CDKL4: variants seen among roughly 807,000 people sequenced by gnomAD.
CDKL4 encodes cyclin dependent kinase like 4.
CDKL4 carries 44 observed loss-of-function variants against 42.0 expected under a neutral mutation model. That is an observed-to-expected ratio of 1.05 (90% CI 0.82 to 1.35). CDKL4 has a LOEUF of 1.35. Among genes scored for constraint, CDKL4 ranks in the 40% most tolerant of loss-of-function variants. The pLI is 0.00. For synonymous variants in CDKL4, 120 were observed against 121.6 expected (o/e 0.99, Z 0.09); for missense variants, 393 against 369.9 (o/e 1.06, Z -0.51).
At chr2:39,173,703 G>A (rs1455048550), downstream of CDKL4, among the ~76,000 whole-genome samples, 1 of 151,788 alleles carries the variant, frequency 6.6e-6, no homozygotes, top group African/African-American at 2.4e-5. Context: ...CCAGCTACTA[G>A]GGAGGCTGAG....
At chr2:39,226,466 T>TATATATATATTATATATA (rs1678744256) in intron 2 of CDKL4, among the ~76,000 whole-genome samples, 1 of 97,418 alleles carries the variant, frequency 1.0e-5, no homozygotes, top group Non-Finnish European at 2.7e-5. Context: ...TTATATATAT[T>TATATATATATTATATATA]ATATATATAT....
At chr2:39,187,822 C>G (rs1675918635) in intron 6 of CDKL4, 113 bp from the exon 7 acceptor site, 5 of 673,030 alleles carry the variant, frequency 7.4e-6, no homozygotes, top group East Asian at 5.7e-5. Flanking sequence ...AATTCCAGCA[C>G]TTTGAGAGGC....
intron 6 of CDKL4, among the ~76,000 whole-genome samples, chr2:39,188,655 A>T (rs72799485): frequency 0.23 from 33,919 of 148,892 alleles, 4,846 homozygotes; most frequent in Non-Finnish European, 0.33. Flanking sequence ...CATAAATGAG[A>T]TTTTATGAGA....
At chr2:39,215,121 A>G (rs1353806764) in intron 3 of CDKL4, among the ~76,000 whole-genome samples, 1 of 152,188 alleles carries the variant, frequency 6.6e-6, no homozygotes, top group Non-Finnish European at 1.5e-5. Context: ...TCTGTGCATC[A>G]AAGTCCCTGT....
chr2:39,184,596 T>G, exon 8 of CDKL4: 1 of 1,610,118 alleles, frequency 6.2e-7, no homozygotes, highest in Non-Finnish European at 8.5e-7. Flanking sequence ...AGTACCTTCA[T>G]GAAGTTCAGA....
upstream of CDKL4, among the ~76,000 whole-genome samples, chr2:39,245,826 G>T (rs1679892068): frequency 6.6e-6 from 1 of 152,170 alleles, no homozygotes; most frequent in Non-Finnish European, 1.5e-5. Flanking sequence ...ACTTCTGTAG[G>T]TTTTTGCGTG....
upstream of CDKL4, among the ~76,000 whole-genome samples, chr2:39,245,545 GGGCCGA>G (rs1679878159): frequency 6.6e-6 from 1 of 152,194 alleles, no homozygotes; most frequent in Admixed American, 6.5e-5. Context: ...TATAACCTCG[GGGCCGA>G]GCCTGTAGCA....
chr2:39,214,398 C>T (rs1033539185), intron 3 of CDKL4, among the ~76,000 whole-genome samples: 1 of 152,154 alleles, frequency 6.6e-6, no homozygotes, highest in African/African-American at 2.4e-5. Flanking sequence ...CAAATACCAA[C>T]ATGTACACAT....
At chr2:39,215,878 C>A (rs1372993343) in intron 3 of CDKL4, among the ~76,000 whole-genome samples, 1 of 152,152 alleles carries the variant, frequency 6.6e-6, no homozygotes, top group Non-Finnish European at 1.5e-5. Context: ...GCAAATGTAC[C>A]TAATTTTCAT....
In CDKL4 at chr2:39,210,795, T is replaced by C. The variant is rs115204421; in HGVS notation, c.363+2605A>G. On this transcript the variant is annotated intron_variant, in intron 4 of 9. Transcript: ENST00000451199. ...AGGATTCCATTTGGCATCATCTTTA[T>C]TAAGCATCAGAAAGCACAATTTGCA... Among the ~76,000 whole-genome samples, 1,109 of 152,324 alleles carry C rather than the reference T, an allele frequency of 7.3e-3. 11 individuals are homozygous for C. Among genetic ancestry groups the C allele is most frequent in the African/African-American group, 0.026 (1,064 of 41,568 alleles).
chr2:39,225,003 A>G (rs539830153), intron 3 of CDKL4, among the ~76,000 whole-genome samples: 1 of 152,300 alleles, frequency 6.6e-6, no homozygotes, highest in South Asian at 2.1e-4. Flanking sequence ...TTCTTATTAC[A>G]TTACATTGGC....
intron 1 of CDKL4, among the ~76,000 whole-genome samples, chr2:39,239,460 C>G (rs1679540860): frequency 6.6e-6 from 1 of 152,154 alleles, no homozygotes; most frequent in African/African-American, 2.4e-5. Context: ...AATCTTATAT[C>G]TGATAAAATA....
At chr2:39,212,738 C>A (rs1404259478) in intron 4 of CDKL4, among the ~76,000 whole-genome samples, 3 of 152,164 alleles carry the variant, frequency 2.0e-5, no homozygotes, top group African/African-American at 4.8e-5. Flanking sequence ...CAGCTCACTG[C>A]AACCTCTGCC....
intron 8 of CDKL4, among the ~76,000 whole-genome samples, chr2:39,180,104 C>A (rs1362732346): frequency 6.6e-6 from 1 of 152,098 alleles, no homozygotes; most frequent in East Asian, 1.9e-4. Flanking sequence ...AGATTATGAT[C>A]CATAAAGAGC....
intron 4 of CDKL4, among the ~76,000 whole-genome samples, chr2:39,206,022 G>A (rs568418613): frequency 6.6e-6 from 1 of 151,036 alleles, no homozygotes; most frequent in Admixed American, 6.6e-5. Flanking sequence ...GGGACCCGAG[G>A]CACGCTGACC....
chr2:39,208,544 T>C (rs996933654), intron 4 of CDKL4, among the ~76,000 whole-genome samples: 5 of 152,108 alleles, frequency 3.3e-5, no homozygotes, highest in African/African-American at 1.2e-4. Context: ...GGTTTCGCCA[T>C]GTTGGCCAGG....
intron 4 of CDKL4, 24 bp downstream of exon 4, chr2:39,213,374 TAA>T: frequency 7.2e-7 from 1 of 1,394,456 alleles, no homozygotes; most frequent in Non-Finnish European, 1.0e-6. Flanking sequence ...AAGAAATGAA[TAA>T]ATACATTAGA....
intron 4 of CDKL4, among the ~76,000 whole-genome samples, chr2:39,207,563 A>G (rs1677279981): frequency 6.6e-6 from 1 of 152,214 alleles, no homozygotes; most frequent in South Asian, 2.1e-4. Context: ...GAATTTCTAG[A>G]CTATATGTGT....
downstream of CDKL4, among the ~76,000 whole-genome samples, chr2:39,174,906 C>G (rs1057383683): frequency 6.6e-6 from 1 of 151,884 alleles, no homozygotes; most frequent in African/African-American, 2.4e-5. Flanking sequence ...CATGTTTATA[C>G]ATATGTGTAT....
Sources: allele counts gnomAD v4.1 joint callset (sites outside exome capture counted in the v4.1 genomes callset), GRCh38; gene constraint gnomAD v4.1.1; transcripts MANE v1.5; gene names NCBI Gene and HGNC (gene_info 2026-07-23, HGNC 2026-07-21).